Variants in THRB observed in about 807,000 individuals in gnomAD.
The protein encoded by THRB is thyroid hormone receptor beta.
Under a neutral mutation model 47.8 loss-of-function variants are expected in THRB, and 12 were observed. The ratio of observed to expected loss-of-function variants is 0.25; its 90% CI spans 0.16 to 0.41. The LOEUF (loss-of-function observed/expected upper bound fraction) is 0.41, where lower values mean the gene tolerates loss of function less well. THRB is among the 10% of genes least tolerant of loss of function. THRB has a pLI of 1.00. For missense variants in THRB, 348 were observed against 589.2 expected (o/e 0.59, Z 4.24); for synonymous variants, 218 against 212.2 (o/e 1.03, Z -0.24).
chr3:24,411,025 TCTC>T lies in THRB; in HGVS notation c.-260-73657_-260-73655del, dbSNP rs537185967. On this transcript the variant is annotated intron_variant, in intron 1 of 10. Coordinates refer to ENST00000646209, the MANE Select transcript of THRB (RefSeq NM_001354712.2). ...GTGCTGAGTCGGCAACATTCTCTGT[TCTC>T]CTCTTTCTTTTGACCATTGGCTGAG... Among the ~76,000 whole-genome samples, 23 of 151,940 alleles carry T rather than the reference TCTC, an allele frequency of 1.5e-4. No homozygotes were observed. The South Asian group carries it at 3.1e-3, about 21-fold the overall frequency.
intron 1 of THRB, among the ~76,000 whole-genome samples, chr3:24,349,664 C>G (rs1175899127): frequency 6.6e-6 from 1 of 151,920 alleles, no homozygotes; most frequent in Non-Finnish European, 1.5e-5. Flanking sequence ...ATTTTTGTAC[C>G]TCACTTCACA....
intron 5 of THRB, among the ~76,000 whole-genome samples, chr3:24,168,319 A>G (rs2039927269): frequency 6.6e-6 from 1 of 152,064 alleles, no homozygotes; most frequent in South Asian, 2.1e-4. Flanking sequence ...TAAACATATT[A>G]TGTGTCACAA....
intron 1 of THRB, among the ~76,000 whole-genome samples, chr3:24,372,114 T>C (rs1026134009): frequency 2.0e-5 from 3 of 152,124 alleles, no homozygotes; most frequent in Non-Finnish European, 4.4e-5. Flanking sequence ...TTGTCTTCCA[T>C]ATTTAATACA....
intron 1 of THRB, among the ~76,000 whole-genome samples, chr3:24,465,412 T>C (rs1055564922): frequency 1.3e-5 from 2 of 152,204 alleles, no homozygotes; most frequent in Non-Finnish European, 1.5e-5. Flanking sequence ...GGGTTTAGAA[T>C]TATTTTTTGA....
At chr3:24,491,299 T>G (rs1027222670) in intron 1 of THRB, among the ~76,000 whole-genome samples, 1 of 152,220 alleles carries the variant, frequency 6.6e-6, no homozygotes, top group Non-Finnish European at 1.5e-5. Flanking sequence ...AGCACACTTA[T>G]GAAAGTCAAT....
intron 1 of THRB, among the ~76,000 whole-genome samples, chr3:24,440,513 G>A (rs763079239): frequency 6.6e-6 from 1 of 152,002 alleles, no homozygotes; most frequent in Non-Finnish European, 1.5e-5. Flanking sequence ...ACTAAGTTGT[G>A]AAGAATACAA....
At chr3:24,402,132 T>C (rs2067455149) in intron 1 of THRB, among the ~76,000 whole-genome samples, 2 of 152,018 alleles carry the variant, frequency 1.3e-5, no homozygotes, top group African/African-American at 2.4e-5. Context: ...ATCAGGATGT[T>C]ACAGAGGCTC....
intron 3 of THRB, among the ~76,000 whole-genome samples, chr3:24,261,519 C>CAAAA (rs2052021948): frequency 8.3e-6 from 1 of 120,498 alleles, no homozygotes; most frequent in African/African-American, 4.1e-5. Context: ...AAAAAAAAAA[C>CAAAA]CAAAAAAAAC....
chr3:24,452,400 C>T (rs2072749312), intron 1 of THRB, among the ~76,000 whole-genome samples: 1 of 152,048 alleles, frequency 6.6e-6, no homozygotes, highest in Non-Finnish European at 1.5e-5. Flanking sequence ...AACATTTTCA[C>T]ATAAAAATGG....
intron 1 of THRB, among the ~76,000 whole-genome samples, chr3:24,390,956 CA>C (rs1339156718): frequency 2.0e-5 from 3 of 152,048 alleles, no homozygotes; most frequent in Non-Finnish European, 2.9e-5. Context: ...GGCAGCCCTG[CA>C]GACAATTTCC....
At chr3:24,274,691 A>G (rs1227945916) in intron 3 of THRB, among the ~76,000 whole-genome samples, 1 of 152,172 alleles carries the variant, frequency 6.6e-6, no homozygotes, top group Non-Finnish European at 1.5e-5. Context: ...TGCCTAGAAA[A>G]AGTGAAGGGA....
chr3:24,135,838 TATATATATA>T (rs2034565538), intron 8 of THRB, among the ~76,000 whole-genome samples: 1 of 120,296 alleles, frequency 8.3e-6, no homozygotes, highest in African/African-American at 3.2e-5. Flanking sequence ...TATATATATA[TATATATATA>T]ATACATAAAT....
rs1167031202 is a variant in THRB, at chr3:24,376,626, C to T, written c.-260-39255G>A. 2.8e-5 allele frequency among the ~76,000 whole-genome samples: 4 copies of T among 140,718 alleles called. No homozygotes were observed. The East Asian group carries it at 8.2e-4, about 29-fold the overall frequency. 92.3% of individuals were successfully genotyped at this position (140,718 alleles called of 152,430 possible). On this transcript the variant is annotated intron_variant, in intron 1 of 10. Coordinates refer to ENST00000646209, the MANE Select transcript of THRB (RefSeq NM_001354712.2). Reference sequence around the variant, plus strand: ...GAAAAGAGACGTTGCTGAACACTCTCAAGATTCAGCTGAGACTCCAAAAAA... The same window carrying T: ...GAAAAGAGACGTTGCTGAACACTCTTAAGATTCAGCTGAGACTCCAAAAAA...
intron 3 of THRB, among the ~76,000 whole-genome samples, chr3:24,267,851 C>T (rs372563959): frequency 6.6e-6 from 1 of 152,140 alleles, no homozygotes; most frequent in East Asian, 1.9e-4. Context: ...GCTGTGGTCC[C>T]GGTACCCATC....
intron 3 of THRB, among the ~76,000 whole-genome samples, chr3:24,248,930 T>C (rs2050382590): frequency 6.6e-6 from 1 of 152,224 alleles, no homozygotes; most frequent in Non-Finnish European, 1.5e-5. Context: ...TTTAGTGCTT[T>C]AGTGCTCCAA....
chr3:24,212,347 G>A (rs965107423), intron 4 of THRB, among the ~76,000 whole-genome samples: 18 of 151,994 alleles, frequency 1.2e-4, no homozygotes, highest in African/African-American at 3.9e-4. Context: ...GTAGGGAGCC[G>A]AGATCGCTCC....
At chr3:24,323,406 G>C (rs2058613017) in intron 2 of THRB, among the ~76,000 whole-genome samples, 1 of 152,164 alleles carries the variant, frequency 6.6e-6, no homozygotes, top group Non-Finnish European at 1.5e-5. Context: ...TATGTGGAGT[G>C]CAAGAGCTCC....
chr3:24,371,740 A>C (rs2064931009), intron 1 of THRB, among the ~76,000 whole-genome samples: 1 of 152,136 alleles, frequency 6.6e-6, no homozygotes, highest in Non-Finnish European at 1.5e-5. Context: ...GCTGGTGCTC[A>C]ATGTATTGCT....
At chr3:24,443,706 T>A (rs554932894) in intron 1 of THRB, among the ~76,000 whole-genome samples, 56 of 152,294 alleles carry the variant, frequency 3.7e-4, no homozygotes, top group African/African-American at 1.3e-3. Flanking sequence ...GCAAAACTTA[T>A]GCAATAATTC....
Sources: allele counts gnomAD v4.1 joint callset (sites outside exome capture counted in the v4.1 genomes callset), GRCh38; gene constraint gnomAD v4.1.1; transcripts MANE v1.5; gene names NCBI Gene and HGNC (gene_info 2026-07-23, HGNC 2026-07-21).